The following PBLD variants were observed in gnomAD, a reference collection of about 807,000 sequenced individuals.
PBLD encodes the protein phenazine biosynthesis like protein domain containing, also known as phenazine biosynthesis-like domain-containing protein.
PBLD carries 26 observed loss-of-function variants against 31.3 expected under a neutral mutation model. The ratio of observed to expected loss-of-function variants is 0.83; its 90% CI spans 0.61 to 1.15. The LOEUF (loss-of-function observed/expected upper bound fraction) is 1.15. PBLD is among the 50% of genes most tolerant of loss of function. The probability of loss-of-function intolerance (pLI) is 0.00; values close to 1 mark genes in which losing one functional copy is unlikely to be tolerated. For missense variants in PBLD, 307 were observed against 351.7 expected (o/e 0.87, Z 1.02); for synonymous variants, 114 against 129.0 (o/e 0.88, Z 0.79).
At position 68,318,247 on chromosome 10, in the gene PBLD, C is replaced by T. The variant is rs147644506; in HGVS notation, c.-59-11344G>A. On this transcript the variant is annotated intron_variant, in intron 1 of 9. Coordinates refer to ENST00000358769, the MANE Select transcript of PBLD (RefSeq NM_022129.4). ...GTCTCTAAATAAATAAATAAATAAA[C>T]AGCACCAGTAGACCAGACAAGGTGG... 3.3e-5 allele frequency among the ~76,000 whole-genome samples: 5 copies of T among 151,436 alleles called. No homozygotes were observed. In the East Asian group the frequency reaches 9.7e-4, roughly 29 times the overall value.
rs138620137 is a variant in PBLD, at chr10:68,296,272, T to G, written c.277A>C (p.Lys93Gln). Residue 93 changes from lysine (K) to glutamine (Q), a missense_variant, in exon 4 of 10, where the codon AAA becomes CAA. Physicochemically the swap from Lys to Gln is moderately conservative, Grantham distance 53. Transcript: ENST00000358769. ...TTAAAGAAAATCACATTACTTATTT[T>G]GTGAAACAGCACAGCTGCAGAAGCC... is the stretch of plus-strand genomic sequence containing the variant. ...TLASAAVLFH[K>Q]IKNMNSTLTF... 9 of 1,610,396 alleles carry G rather than the reference T, an allele frequency of 5.6e-6. No individual in the cohort carries two copies. Among genetic ancestry groups the G allele is most frequent in the Non-Finnish European group, 7.6e-6 (9 of 1,177,806 alleles).
rs1174435629 is a variant in PBLD at position 68,319,102 on chromosome 10, AGAAAGAAAG to A, written c.-59-12208_-59-12200del. On this transcript the variant is annotated intron_variant, in intron 1 of 9. Coordinates refer to ENST00000358769, the MANE Select transcript of PBLD (RefSeq NM_022129.4). The stretch of plus-strand genomic sequence containing the variant: ...AAGAAAGAAAGAAAGAAAGAAAGAA[AGAAAGAAAG>A]GAAAAAGAAAGAAAGAGAGAAGGAG... Among the ~76,000 whole-genome samples the A allele has an allele frequency of 2.0e-3, 272 of 135,774 alleles. 2 individuals are homozygous for A. The highest frequency in any genetic ancestry group is 7.0e-3 in the Middle Eastern group (2 of 286). The allele number at this position is 135,774 out of a possible 152,430, so 89.1% of individuals were successfully genotyped here.
At chr10:68,319,039 AAGAAAGAAAGAGAG>A (rs2044779019) in intron 1 of PBLD, among the ~76,000 whole-genome samples, 1 of 122,902 alleles carries the variant, frequency 8.1e-6, no homozygotes, top group Non-Finnish European at 1.6e-5. Context: ...GAAGGAAAGA[AAGAAAGAAAGAGAG>A]AGAAAGAAAG....
chr10:68,294,362 G>A (rs1311190509), intron 4 of PBLD, among the ~76,000 whole-genome samples: 1 of 152,192 alleles, frequency 6.6e-6, no homozygotes, highest in Admixed American at 6.5e-5. Flanking sequence ...AGGCAAGGAA[G>A]TACCATAGGG....
intron 8 of PBLD, among the ~76,000 whole-genome samples, chr10:68,285,672 A>ATTTTAT (rs1218087264): frequency 1.3e-5 from 2 of 151,610 alleles, no homozygotes; most frequent in African/African-American, 4.8e-5. Flanking sequence ...TTTTTATTTT[A>ATTTTAT]TTTTATTTTT....
intron 4 of PBLD, among the ~76,000 whole-genome samples, chr10:68,293,840 T>C (rs2044390453): frequency 1.3e-5 from 2 of 150,154 alleles, no homozygotes; most frequent in Non-Finnish European, 3.0e-5. Context: ...CCAGGCGTGG[T>C]GGCAGGCACC....
chr10:68,284,024 G>T lies in PBLD; in HGVS notation c.*153C>A. ...GGCCTCTCAAAGTGCTACGATTACA[G>T]GCATGAGCCACTGCGCCTGGCCCAT... is the stretch of plus-strand genomic sequence containing the variant. On this transcript the variant is annotated 3_prime_UTR_variant, in exon 10 of 10. Coordinates refer to ENST00000358769, the MANE Select transcript of PBLD (RefSeq NM_022129.4). The T allele has an allele frequency of 4.7e-6, 3 of 632,896 alleles. No homozygotes were observed. The highest frequency in any genetic ancestry group is 8.0e-6 in the Non-Finnish European group (3 of 373,886). 39.2% of individuals were successfully genotyped at this position (632,896 alleles called of 1,614,324 possible).
intron 6 of PBLD, among the ~76,000 whole-genome samples, chr10:68,290,483 C>T (rs112269944): frequency 0.04 from 6,036 of 152,096 alleles, 415 homozygotes; most frequent in African/African-American, 0.14. Flanking sequence ...TTTGGGAGGC[C>T]GAGGCAGGCG....
At chr10:68,291,392 T>C (rs928336619) in intron 6 of PBLD, among the ~76,000 whole-genome samples, 3 of 152,184 alleles carry the variant, frequency 2.0e-5, no homozygotes, top group African/African-American at 7.2e-5. Context: ...CCATGTTCTG[T>C]ATCTTGTCTT....
At chr10:68,289,883 T>C (rs1270968852) in intron 6 of PBLD, among the ~76,000 whole-genome samples, 1 of 152,120 alleles carries the variant, frequency 6.6e-6, no homozygotes, top group Non-Finnish European at 1.5e-5. Context: ...AGCAGCTTGA[T>C]TGGAAGGAGG....
At chr10:68,291,907 T>C in intron 6 of PBLD, 103 bp downstream of exon 6, 1 of 1,274,442 alleles carries the variant, frequency 7.8e-7, no homozygotes, top group South Asian at 1.3e-5. Context: ...CACTGTAACA[T>C]TTATATTGGT....
chr10:68,289,927 G>T (rs1370495065), intron 6 of PBLD, among the ~76,000 whole-genome samples: 1 of 152,150 alleles, frequency 6.6e-6, no homozygotes, highest in East Asian at 1.9e-4. Context: ...GCTCTGCTTG[G>T]CAAGCACACC....
chr10:68,330,147 T>G (rs757015448), intron 1 of PBLD, among the ~76,000 whole-genome samples: 13 of 152,048 alleles, frequency 8.5e-5, no homozygotes, highest in Non-Finnish European at 1.6e-4. Flanking sequence ...CTTTCTTCCT[T>G]CCACTGAGTA....
At chr10:68,306,996 A>G in intron 1 of PBLD, 93 bp from the exon 2 acceptor site, 2 of 586,948 alleles carry the variant, frequency 3.4e-6, no homozygotes, top group Non-Finnish European at 6.1e-6. Context: ...AATTATTCAA[A>G]GATACTACAT....
intron 9 of PBLD, 30 bp from the exon 10 acceptor site, chr10:68,284,319 G>A: frequency 1.3e-6 from 2 of 1,548,600 alleles, no homozygotes; most frequent in Non-Finnish European, 1.8e-6. Flanking sequence ...CAAATTAAGA[G>A]TATTTTCACC....
chr10:68,311,279 AC>A (rs954783500), intron 1 of PBLD, among the ~76,000 whole-genome samples: 3 of 151,896 alleles, frequency 2.0e-5, no homozygotes, highest in African/African-American at 7.3e-5. Flanking sequence ...CCCCATCTCT[AC>A]TAAAAATACA....
At chr10:68,307,442 C>A (rs2044597083) in intron 1 of PBLD, among the ~76,000 whole-genome samples, 1 of 152,078 alleles carries the variant, frequency 6.6e-6, no homozygotes, top group African/African-American at 2.4e-5. Flanking sequence ...AACTTAGCAG[C>A]ATAATCATAG....
rs2044257540 is a variant in PBLD at position 68,284,023 on chromosome 10, A to G, written c.*154T>C. 8 of 617,186 alleles carry G rather than the reference A, an allele frequency of 1.3e-5. No individual in the cohort carries two copies. The highest frequency in any genetic ancestry group is 2.2e-5 in the Non-Finnish European group (8 of 363,504). 38.2% of individuals were successfully genotyped at this position (617,186 alleles called of 1,614,324 possible). ...TGGCCTCTCAAAGTGCTACGATTAC[A>G]GGCATGAGCCACTGCGCCTGGCCCA... On this transcript the variant is annotated 3_prime_UTR_variant, in exon 10 of 10. Coordinates refer to ENST00000358769, the MANE Select transcript of PBLD (RefSeq NM_022129.4).
chr10:68,329,013 A>C (rs1025809187), intron 1 of PBLD, among the ~76,000 whole-genome samples: 2 of 152,080 alleles, frequency 1.3e-5, no homozygotes, highest in African/African-American at 4.8e-5. Context: ...CAAGTGACTG[A>C]GATTACAGGC....
Sources: allele counts gnomAD v4.1 joint callset (sites outside exome capture counted in the v4.1 genomes callset), GRCh38; gene constraint gnomAD v4.1.1; transcripts MANE v1.5; gene names NCBI Gene and HGNC (gene_info 2026-07-23, HGNC 2026-07-21).